Variants in ADGRG4 observed in about 807,000 individuals in gnomAD.
ADGRG4 encodes G protein-coupled receptor 112.
ADGRG4 carries 122 observed loss-of-function variants against 126.2 expected under a neutral mutation model. The ratio of observed to expected loss-of-function variants is 0.97; its 90% CI spans 0.83 to 1.12. ADGRG4 has a LOEUF of 1.12. Among genes scored for constraint, ADGRG4 ranks in the 50% most tolerant of loss-of-function variants. The pLI, the probability that ADGRG4 is intolerant of heterozygous loss-of-function variation, is 0.00. For missense variants in ADGRG4, 2,481 were observed against 2,251.8 expected, an observed-to-expected ratio of 1.10 and a Z score of -2.06; for synonymous variants, 943 against 838.7, an observed-to-expected ratio of 1.12 and a Z score of -2.15.
chrX:136,346,041 A>G lies in ADGRG4; in HGVS notation c.2335A>G (p.Arg779Gly), dbSNP rs1197523039. ...TGCAAATGAACTTCCTTTGACACCA[A>G]GGGAGACTGTTGTTCCATCAGTAGA... Reference protein sequence around the residue: ...KPANELPLTPRETVVPSVDII... With the variant: ...KPANELPLTPGETVVPSVDII... The change falls in exon 6 of 26, where the codon AGG (arginine) becomes GGG (glycine). Residue 779 changes from arginine to glycine, a missense_variant. Coordinates refer to ENST00000394143, the MANE Select transcript of ADGRG4 (RefSeq NM_153834.4). 2 of 1,207,676 alleles carry G rather than the reference A, an allele frequency of 1.7e-6. No individual in the cohort carries two copies. The highest frequency in any genetic ancestry group is 3.0e-5 in the East Asian group (1 of 33,812).
intron 8 of ADGRG4, 69 bp downstream of exon 8, chrX:136,353,470 A>G: frequency 5.7e-6 from 4 of 706,772 alleles, no homozygotes; most frequent in Non-Finnish European, 9.0e-6. Flanking sequence ...TCCTATCTGG[A>G]GGGGATGTCC....
chrX:136,326,402 G>C (rs1174298823), intron 5 of ADGRG4, among the ~76,000 whole-genome samples: 2 of 112,255 alleles, frequency 1.8e-5, no homozygotes. Context: ...GCTCAGAGAG[G>C]TTGAGTAAAT....
chrX:136,341,117 A>T (rs1248625317), intron 5 of ADGRG4, among the ~76,000 whole-genome samples: 1 of 111,570 alleles, frequency 9.0e-6, no homozygotes, highest in Non-Finnish European at 1.9e-5. Flanking sequence ...CCTTCTTGAG[A>T]TGCTTACTGG....
intron 12 of ADGRG4, 34 bp from the exon 13 acceptor site, chrX:136,363,443 C>T (rs997043623): frequency 1.1e-6 from 1 of 937,079 alleles, no homozygotes; most frequent in Non-Finnish European, 1.6e-6. Context: ...TTGCCTCATC[C>T]TCTGATGAGA....
chrX:136,381,052 C>G (rs1477103065), intron 15 of ADGRG4, among the ~76,000 whole-genome samples: 2 of 110,541 alleles, frequency 1.8e-5, no homozygotes, highest in African/African-American at 3.3e-5. Context: ...ATATATCATT[C>G]ATTTTAGACC....
chrX:136,360,772 G>A (rs1270277626), intron 11 of ADGRG4, among the ~76,000 whole-genome samples: 1 of 110,174 alleles, frequency 9.1e-6, no homozygotes, highest in African/African-American at 3.3e-5. Context: ...GAGCTCCCCT[G>A]TCTATACTGA....
intron 13 of ADGRG4, among the ~76,000 whole-genome samples, chrX:136,365,417 A>G (rs1367346282): frequency 4.5e-5 from 5 of 111,580 alleles, no homozygotes; most frequent in Non-Finnish European, 9.4e-5. Context: ...ATTCCTTTTT[A>G]TGGATGCATT....
chrX:136,359,476 A>T, intron 11 of ADGRG4, 21 bp downstream of exon 11: 1 of 1,119,978 alleles, frequency 8.9e-7, no homozygotes, highest in Non-Finnish European at 1.2e-6. Flanking sequence ...TGGGGGGTGG[A>T]TATTGCAGTA....
At chrX:136,402,577 T>G in intron 21 of ADGRG4, among the ~76,000 whole-genome samples, 1 of 111,726 alleles carries the variant, frequency 9.0e-6, no homozygotes. Context: ...ATGCGCTTAG[T>G]CTAGGAGAAA....
In ADGRG4 at chrX:136,320,910, C is replaced by A. The variant is rs868819711; in HGVS notation, c.71-1868C>A. The stretch of plus-strand genomic sequence containing the variant: ...CTCCAACCTGGGCAAGAGAGTGAGA[C>A]CCCCCCTCTTAAAACAAAAAATCAA... On this transcript the variant is annotated intron_variant, in intron 4 of 25. Transcript: ENST00000394143. 4.0e-4 allele frequency among the ~76,000 whole-genome samples: 44 copies of A among 110,817 alleles called. 1 individual carries two copies. Among genetic ancestry groups the A allele is most frequent in the African/African-American group, 1.4e-3 (42 of 30,502 alleles).
intron 15 of ADGRG4, among the ~76,000 whole-genome samples, chrX:136,377,786 T>C (rs2075236582): frequency 9.0e-6 from 1 of 110,720 alleles, no homozygotes; most frequent in Non-Finnish European, 1.9e-5. Flanking sequence ...TTGGTACCTT[T>C]GACAAAAAGT....
intron 9 of ADGRG4, among the ~76,000 whole-genome samples, chrX:136,357,416 C>A (rs2075101259): frequency 1.8e-5 from 2 of 112,058 alleles, no homozygotes; most frequent in African/African-American, 6.5e-5. Flanking sequence ...TTAGATTCTG[C>A]TCCTAGTTCT....
At chrX:136,350,482 T>C (rs2075055272) in intron 6 of ADGRG4, 49 bp downstream of exon 6, 2 of 1,118,273 alleles carry the variant, frequency 1.8e-6, no homozygotes, top group Admixed American at 4.9e-5. Flanking sequence ...ATTCATGCAC[T>C]ATGGGTCATG....
At chrX:136,363,934 C>T (rs1202166829) in intron 13 of ADGRG4, among the ~76,000 whole-genome samples, 2 of 110,164 alleles carry the variant, frequency 1.8e-5, no homozygotes, top group South Asian at 7.9e-4. Flanking sequence ...CTCAGCCTCC[C>T]GAGTAGCTGG....
At chrX:136,304,645 G>A (rs1026623237) in intron 2 of ADGRG4, among the ~76,000 whole-genome samples, 6 of 112,305 alleles carry the variant, frequency 5.3e-5, no homozygotes, top group African/African-American at 1.9e-4. Flanking sequence ...CACTCTAGTA[G>A]GGGAGAAAGG....
intron 23 of ADGRG4, among the ~76,000 whole-genome samples, chrX:136,410,720 C>T (rs1313311348): frequency 2.7e-5 from 3 of 111,426 alleles, no homozygotes; most frequent in Non-Finnish European, 3.8e-5. Context: ...ATTTATTGAG[C>T]GGCCGCACTT....
intron 5 of ADGRG4, among the ~76,000 whole-genome samples, chrX:136,326,502 C>T (rs1374136215): frequency 2.7e-5 from 3 of 111,549 alleles, no homozygotes; most frequent in Non-Finnish European, 5.6e-5. Context: ...CACCTCCCAC[C>T]GTACAGGACT....
chrX:136,323,320 A>G lies in ADGRG4; in HGVS notation c.613A>G (p.Ile205Val). Residue 205 changes from isoleucine (I) to valine (V), a missense_variant, in exon 5 of 26, where the codon ATA becomes GTA. Transcript: ENST00000394143. The part of the protein sequence containing the change: ...EEFMKCLDGN[I>V]VSWEEDVWLV... ...GTTTATGAAGTGTTTAGATGGAAAT[A>G]TAGTTAGTTGGGAAGAAGACGTCTG... 1 of 1,210,214 alleles carries G rather than the reference A, an allele frequency of 8.3e-7. No individual in the cohort carries two copies. Among genetic ancestry groups the G allele is most frequent in the South Asian group, 1.8e-5 (1 of 56,867 alleles).
rs1351648030 is a variant in ADGRG4, at chrX:136,395,377, C to T, written c.8081-13C>T. Reference sequence around the variant, plus strand: ...AACAAAATTGCTTTGAAATTTCCTTCTGTCTCCTACAGATGGGCTGGGTGG... The same window carrying T: ...AACAAAATTGCTTTGAAATTTCCTTTTGTCTCCTACAGATGGGCTGGGTGG... On this transcript the variant is annotated splice_polypyrimidine_tract_variant and intron_variant, in intron 18 of 25. Transcript: ENST00000394143. 16 of 1,108,297 alleles carry T rather than the reference C, an allele frequency of 1.4e-5. No individual in the cohort carries two copies. The South Asian group carries it at 1.6e-4, about 11-fold the overall frequency. 91.3% of individuals were successfully genotyped at this position (1,108,297 alleles called of 1,213,427 possible). A position where few individuals can be genotyped will look rare whatever the true frequency, so the allele number is the denominator to read the frequency against.
Sources: gnomAD v4.1 joint callset for allele counts (sites outside exome capture counted in the v4.1 genomes callset) on GRCh38, gnomAD v4.1.1 for gene constraint, MANE v1.5 for transcripts, NCBI Gene and HGNC (gene_info 2026-07-23, HGNC 2026-07-21) for gene names.